The following KAZN variants were observed in gnomAD, a reference collection of about 807,000 sequenced individuals.
The protein encoded by KAZN is kazrin, periplakin interacting protein.
KAZN carries 40 observed loss-of-function variants against 87.4 expected under a neutral mutation model. That is an observed-to-expected ratio of 0.46 (90% CI 0.36 to 0.60). KAZN has a LOEUF of 0.60. Ranked by LOEUF, KAZN falls within the 20% of genes least tolerant of loss-of-function variation. KAZN has a pLI of 0.00. For missense variants in KAZN, 898 were observed against 1,073.9 expected (o/e 0.84, Z 2.29); for synonymous variants, 466 against 458.3 (o/e 1.02, Z -0.22).
At chr1:14,614,066 C>T (rs992786507) in intron 1 of KAZN, among the ~76,000 whole-genome samples, 1 of 152,108 alleles carries the variant, frequency 6.6e-6, no homozygotes, top group Non-Finnish European at 1.5e-5. Flanking sequence ...GCTAGATTTC[C>T]GGGAATACGA....
intron 1 of KAZN, among the ~76,000 whole-genome samples, chr1:14,733,872 G>A (rs1406932428): frequency 6.6e-6 from 1 of 152,182 alleles, no homozygotes; most frequent in East Asian, 1.9e-4. Context: ...CTCTCCAGAT[G>A]GGATCTCCCT....
At position 15,117,792 on chromosome 1, in the gene KAZN, C is replaced by A. The variant is rs2235784; in HGVS notation, c.*3157C>A. 6.6e-6 allele frequency: 1 copy of A among 152,218 alleles called. No individual in the cohort carries two copies. Among genetic ancestry groups the A allele is most frequent in the African/African-American group, 2.4e-5 (1 of 41,508 alleles). 9.4% of individuals were successfully genotyped at this position (152,218 alleles called of 1,614,324 possible). A position where few individuals can be genotyped will look rare whatever the true frequency, so the allele number is the denominator to read the frequency against. On this transcript the variant is annotated 3_prime_UTR_variant, in exon 15 of 15. Coordinates refer to ENST00000376030, the MANE Select transcript of KAZN (RefSeq NM_201628.3). ...ACTTCCACTCTGCTTTTCGAGGCTC[C>A]GGAGGGCTCTTCCTGCTGTGAAAGG...
intron 1 of KAZN, among the ~76,000 whole-genome samples, chr1:14,742,844 G>A (rs575143569): frequency 1.3e-5 from 2 of 152,286 alleles, no homozygotes; most frequent in African/African-American, 4.8e-5. Context: ...GAGTCACCAG[G>A]GTTCAGTGTG....
chr1:14,959,696 A>G (rs187821819), intron 1 of KAZN, among the ~76,000 whole-genome samples: 27 of 152,298 alleles, frequency 1.8e-4, no homozygotes, highest in African/African-American at 6.3e-4. Context: ...AGAGTTATGC[A>G]GAGGTACACG....
At chr1:15,068,650 G>GCCAGGCTTTT (rs1639372759) in intron 8 of KAZN, among the ~76,000 whole-genome samples, 1 of 152,052 alleles carries the variant, frequency 6.6e-6, no homozygotes, top group Non-Finnish European at 1.5e-5. Flanking sequence ...GCCAGAGTGA[G>GCCAGGCTTTT]CCAGGCTTTT....
intron 2 of KAZN, among the ~76,000 whole-genome samples, chr1:14,476,138 A>G (rs1207448155): frequency 6.6e-6 from 1 of 152,032 alleles, no homozygotes; most frequent in African/African-American, 2.4e-5. Context: ...GCACATTCGG[A>G]CTGGTTTGAT....
intron 1 of KAZN, among the ~76,000 whole-genome samples, chr1:13,989,521 A>G (rs1437126511): frequency 2.6e-5 from 4 of 152,234 alleles, no homozygotes; most frequent in Non-Finnish European, 5.9e-5. Context: ...ACATAGGCCA[A>G]TGCAGAAGTT....
intron 1 of KAZN, among the ~76,000 whole-genome samples, chr1:13,896,760 C>A (rs187000866): frequency 6.1e-4 from 93 of 152,298 alleles, no homozygotes; most frequent in Admixed American, 2.1e-3. Context: ...TGGGGCTAAT[C>A]TTTTATATCT....
intron 1 of KAZN, among the ~76,000 whole-genome samples, chr1:14,881,814 A>G (rs796229907): frequency 1.3e-5 from 2 of 152,190 alleles, no homozygotes; most frequent in African/African-American, 4.8e-5. Flanking sequence ...TAAGATTACT[A>G]TTTTCTGTGT....
At position 14,468,798 on chromosome 1, in the gene KAZN, G is replaced by T. The variant is rs563177988; in HGVS notation, c.250-130185G>T. 2.0e-5 allele frequency among the ~76,000 whole-genome samples: 3 copies of T among 152,262 alleles called. No homozygotes were observed. The South Asian group carries it at 6.2e-4, about 32-fold the overall frequency. On this transcript the variant is annotated intron_variant, in intron 2 of 16. Coordinates refer to the KAZN transcript ENST00000636203. ...TAAGCTGTACATTTATATTTTGCCC[G>T]CCCAGGCATCTCTGCGGGTAGGCAT...
In KAZN at chr1:15,080,776, C is replaced by G. The variant is rs376428545; in HGVS notation, c.1223-13404C>G. On this transcript the variant is annotated intron_variant, in intron 8 of 14. Coordinates refer to ENST00000376030, the MANE Select transcript of KAZN (RefSeq NM_201628.3). ...TGTTGACAGTAGTTGGCTGCCTGAACAGAGCTGGGCTGGGCTGAGAACAGA... is the reference window on the plus strand; with the variant it reads ...TGTTGACAGTAGTTGGCTGCCTGAAGAGAGCTGGGCTGGGCTGAGAACAGA... Among the ~76,000 whole-genome samples, 280 of 152,310 alleles carry G rather than the reference C, an allele frequency of 1.8e-3. 3 individuals are homozygous for G. Among genetic ancestry groups the G allele is most frequent in the African/African-American group, 6.5e-3 (269 of 41,570 alleles).
intron 1 of KAZN, among the ~76,000 whole-genome samples, chr1:13,972,295 A>ACACAGT (rs1426648344): frequency 3.3e-4 from 46 of 139,832 alleles, no homozygotes; most frequent in Admixed American, 2.2e-4. Context: ...TTTTTTTGAG[A>ACACAGT]CACAGTCTTG....
intron 4 of KAZN, among the ~76,000 whole-genome samples, chr1:15,054,600 C>G (rs1001077173): frequency 2.0e-5 from 3 of 150,726 alleles, no homozygotes; most frequent in African/African-American, 7.3e-5. Context: ...TGCAGTAAAC[C>G]GAGATCGCGC....
chr1:14,633,842 T>C (rs1679758325), intron 1 of KAZN, among the ~76,000 whole-genome samples: 1 of 151,998 alleles, frequency 6.6e-6, no homozygotes, highest in Non-Finnish European at 1.5e-5. Context: ...GCTCGACACC[T>C]GGTAGAAACA....
At chr1:15,055,005 T>A (rs1674800988) in intron 4 of KAZN, among the ~76,000 whole-genome samples, 1 of 152,176 alleles carries the variant, frequency 6.6e-6, no homozygotes, top group African/African-American at 2.4e-5. Context: ...CCTGCCCATC[T>A]CCTTGCTAGT....
intron 2 of KAZN, among the ~76,000 whole-genome samples, chr1:15,007,961 C>T (rs1204231852): frequency 6.6e-6 from 1 of 152,172 alleles, no homozygotes; most frequent in Non-Finnish European, 1.5e-5. Context: ...GAGGCGGCCC[C>T]TGCGAGTGGG....
intron 1 of KAZN, among the ~76,000 whole-genome samples, chr1:14,026,142 ATCT>A (rs1179252805): frequency 2.0e-5 from 3 of 152,182 alleles, no homozygotes; most frequent in Non-Finnish European, 4.4e-5. Flanking sequence ...AATGTATTAA[ATCT>A]TCTCTGTGTT....
At chr1:14,024,965 C>G (rs767805157) in intron 1 of KAZN, among the ~76,000 whole-genome samples, 26 of 152,126 alleles carry the variant, frequency 1.7e-4, no homozygotes, top group Non-Finnish European at 3.2e-4. Context: ...TAGAAAGTAT[C>G]CCAATGAGAT....
Position 14,735,647 on chromosome 1 carries a change from G to C in KAZN, c.226+136424G>C, listed in dbSNP as rs1643879162. 6.6e-6 allele frequency among the ~76,000 whole-genome samples: 1 copy of C among 152,176 alleles called. No individual in the cohort carries two copies. The highest frequency in any genetic ancestry group is 1.5e-5 in the Non-Finnish European group (1 of 68,040). On this transcript the variant is annotated intron_variant, in intron 1 of 14. Coordinates refer to ENST00000376030, the MANE Select transcript of KAZN (RefSeq NM_201628.3). The surrounding 1 kb of genome is among the most constrained non-coding windows in gnomAD (Gnocchi z 4.3). ...ATCAGCGAGGCTGCCGTGAGAAGCA[G>C]CAGGAGACACACAAGCTACTTACCG...
Sources: allele counts gnomAD v4.1 joint callset (sites outside exome capture counted in the v4.1 genomes callset), GRCh38; gene constraint gnomAD v4.1.1; non-coding constraint Gnocchi (gnomAD v3.1); transcripts MANE v1.5; gene names NCBI Gene and HGNC (gene_info 2026-07-23, HGNC 2026-07-21).